The following CDHR3 variants were observed in gnomAD, a reference collection of about 807,000 sequenced individuals.
The protein encoded by CDHR3 is cadherin-related family member 3.
Under a neutral mutation model 86.6 loss-of-function variants are expected in CDHR3, and 79 were observed. That is an observed-to-expected ratio of 0.91 (90% CI 0.76 to 1.10). CDHR3 has a LOEUF of 1.10. Among genes scored for constraint, CDHR3 ranks in the 50% least tolerant of loss-of-function variants. The probability of loss-of-function intolerance (pLI) is 0.00; values close to 1 mark genes in which losing one functional copy is unlikely to be tolerated. For synonymous variants in CDHR3, 421 were observed against 402.4 expected (o/e 1.05, Z -0.55); for missense variants, 1,081 against 1,077.6 (o/e 1.00, Z -0.04).
intron 1 of CDHR3, among the ~76,000 whole-genome samples, chr7:105,973,010 G>A (rs1009409379): frequency 6.6e-6 from 1 of 152,126 alleles, no homozygotes; most frequent in African/African-American, 2.4e-5. Flanking sequence ...AAAACATCCT[G>A]GTTTGTTTGT....
In CDHR3 at chr7:106,012,971, A is replaced by C; in HGVS notation, c.1164A>C (p.Pro388=). ...ACAACAGATTCAACTTCACCATGCC[A>C]TCTGGAGTGGGGAGCGGCAGCAGAT... ...APNNRFNFTM[P]SGVGSGSRFL... Residue 388 remains proline, a synonymous_variant, in exon 9 of 19, where the codon CCA becomes CCC. Coordinates refer to ENST00000317716, the MANE Select transcript of CDHR3 (RefSeq NM_152750.5). 1 of 1,613,632 alleles carries C rather than the reference A, an allele frequency of 6.2e-7. No individual in the cohort carries two copies. Among genetic ancestry groups the C allele is most frequent in the Non-Finnish European group, 8.5e-7 (1 of 1,179,750 alleles).
At chr7:106,015,328 A>C (rs1381857719) in intron 10 of CDHR3, 115 bp downstream of exon 10, 1 of 830,040 alleles carries the variant, frequency 1.2e-6, no homozygotes, top group Admixed American at 2.7e-5. Context: ...TACTGCCCTC[A>C]TGCGGGGACC....
At chr7:105,984,907 A>G (rs1830295085) in intron 4 of CDHR3, among the ~76,000 whole-genome samples, 1 of 152,088 alleles carries the variant, frequency 6.6e-6, no homozygotes, top group Admixed American at 6.6e-5. Flanking sequence ...AAAAATAAAA[A>G]AATTAGCTGG....
chr7:106,027,773 A>T (rs951426123), intron 16 of CDHR3: 10 of 370,424 alleles, frequency 2.7e-5, no homozygotes, highest in Non-Finnish European at 5.4e-5. Flanking sequence ...GATCATATTG[A>T]CAGAGATGAT....
At chr7:105,969,123 G>A (rs1827479939) in intron 1 of CDHR3, among the ~76,000 whole-genome samples, 2 of 148,480 alleles carry the variant, frequency 1.3e-5, no homozygotes, top group East Asian at 2.0e-4. Context: ...TGGGCCGGGC[G>A]TGGTGGCTCA....
At chr7:105,981,319 T>G (rs1482167693) in intron 3 of CDHR3, among the ~76,000 whole-genome samples, 186 bp downstream of exon 3, 1 of 152,116 alleles carries the variant, frequency 6.6e-6, no homozygotes, top group East Asian at 1.9e-4. Flanking sequence ...TGTCCAACAG[T>G]TTGCAAAGCC....
chr7:105,988,498 T>C (rs908480793), intron 4 of CDHR3, among the ~76,000 whole-genome samples: 1 of 152,208 alleles, frequency 6.6e-6, no homozygotes, highest in Non-Finnish European at 1.5e-5. Flanking sequence ...GAATGAATAA[T>C]GGATTTTTAA....
At chr7:105,994,071 T>C (rs1305458024) in intron 4 of CDHR3, among the ~76,000 whole-genome samples, 1 of 152,230 alleles carries the variant, frequency 6.6e-6, no homozygotes, top group Non-Finnish European at 1.5e-5. Context: ...AGCCCTGTTA[T>C]GTTTCATTCT....
chr7:106,020,485 A>T lies in CDHR3; in HGVS notation c.1766A>T (p.Lys589Met). The T allele has an allele frequency of 6.2e-7, 1 of 1,614,032 alleles. No homozygotes were observed. Among genetic ancestry groups the T allele is most frequent in the South Asian group, 1.1e-5 (1 of 91,086 alleles). Residue 589 changes from lysine to methionine, a missense_variant, in exon 13 of 19, where the codon AAG (lysine) becomes ATG (methionine). By Grantham distance (95) the Lys-to-Met change is moderately conservative. Transcript: ENST00000317716. Reference protein sequence around the residue: ...LKVGTNIQNFKLTCTDLDSSP... With the variant: ...LKVGTNIQNFMLTCTDLDSSP... ...GTTGGCACAAATATTCAGAATTTCA[A>T]GCTGACATGTACCGACCTTGATTCC...
At chr7:105,980,608 T>TTTA (rs1829547428) in intron 2 of CDHR3, among the ~76,000 whole-genome samples, 1 of 30,796 alleles carries the variant, frequency 3.2e-5, no homozygotes, top group African/African-American at 1.3e-4. Flanking sequence ...TTTTTTTTAA[T>TTTA]TTTTTTTTTT....
intron 15 of CDHR3, 31 bp from the exon 16 acceptor site, chr7:106,026,651 G>C: frequency 6.2e-7 from 1 of 1,612,862 alleles, no homozygotes; most frequent in Non-Finnish European, 8.5e-7. Flanking sequence ...ACTTTCAAGT[G>C]AATTAATAGC....
At position 105,996,335 on chromosome 7, in the gene CDHR3, G is replaced by A. The variant is rs371586125; in HGVS notation, c.694G>A (p.Glu232Lys). Residue 232 changes from glutamate (E) to lysine (K), a missense_variant, in exon 6 of 19, where the codon GAA becomes AAA. Transcript: ENST00000317716. ...GGTGAACATCGTGAACCTCAACGACGAAGTCCCTCGCTTTACCAGGTAGGC... is the reference window on the plus strand; with the variant it reads ...GGTGAACATCGTGAACCTCAACGACAAAGTCCCTCGCTTTACCAGGTAGGC... ...LQVNIVNLND[E>K]VPRFTSPTRV... is the part of the protein sequence containing the mutation. The A allele has an allele frequency of 1.4e-5, 22 of 1,593,356 alleles. No individual in the cohort carries two copies. Among genetic ancestry groups the A allele is most frequent in the South Asian group, 1.3e-4 (12 of 89,696 alleles).
chr7:106,028,646 C>A, intron 17 of CDHR3, 64 bp downstream of exon 17: 2 of 1,575,254 alleles, frequency 1.3e-6, no homozygotes, highest in Non-Finnish European at 1.7e-6. Context: ...CCGTCTCCCC[C>A]GAAGGCAGGC....
rs762342578 is a variant in CDHR3, at chr7:106,024,425, A to T, written c.2121A>T (p.Pro707=). 6.2e-7 allele frequency: 1 copy of T among 1,614,038 alleles called. No individual in the cohort carries two copies. The highest frequency in any genetic ancestry group is 8.5e-7 in the Non-Finnish European group (1 of 1,179,894). ...TCCTGAGGAAAAACGTTTACTCTCC[A>T]TCTGCATGGTACGTGCCGTTTGTCA... ...YQVLRKNVYS[P]SAWYVPFVIT... is the part of the protein sequence containing the mutation. The change falls in exon 15 of 19, where the codon CCA becomes CCT. Residue 707 remains proline, a synonymous_variant. Coordinates refer to ENST00000317716, the MANE Select transcript of CDHR3 (RefSeq NM_152750.5).
intron 2 of CDHR3, among the ~76,000 whole-genome samples, chr7:105,979,237 G>C (rs1039195887): frequency 1.3e-5 from 2 of 152,172 alleles, no homozygotes. Context: ...AAGCCAGTCA[G>C]TCTGGCTCCA....
chr7:106,029,634 C>A (rs191345932), intron 17 of CDHR3, among the ~76,000 whole-genome samples: 105 of 152,040 alleles, frequency 6.9e-4, no homozygotes, highest in African/African-American at 2.1e-3. Flanking sequence ...TTGAAGGTGG[C>A]TCCCTCCAGC....
In CDHR3 at chr7:106,004,585, T is replaced by A; in HGVS notation, c.950T>A (p.Val317Glu). The change falls in exon 8 of 19, where the codon GTG becomes GAG. Residue 317 changes from valine to glutamate, a missense_variant. Physicochemically the swap from Val to Glu is moderately radical, Grantham distance 121 (BLOSUM62 -2). Coordinates refer to ENST00000317716, the MANE Select transcript of CDHR3 (RefSeq NM_152750.5). ...CCCACCATTTCCCTGGAAGTTCTAG[T>A]GAAGGACAGACCATATGGGGGTCAG... ...QNPTISLEVLVKDRPYGGQEN... is the reference protein window; with the variant it reads ...QNPTISLEVLEKDRPYGGQEN... 1.2e-6 allele frequency: 2 copies of A among 1,614,024 alleles called. No homozygotes were observed. Among genetic ancestry groups the A allele is most frequent in the Non-Finnish European group, 1.7e-6 (2 of 1,179,876 alleles).
intron 1 of CDHR3, among the ~76,000 whole-genome samples, chr7:105,965,624 T>C (rs1030108712): frequency 2.3e-5 from 3 of 129,832 alleles, no homozygotes; most frequent in African/African-American, 8.3e-5. Context: ...GCTCCTGCTG[T>C]TGCACCCTGG....
chr7:106,016,605 A>G (rs1835664704), intron 11 of CDHR3, among the ~76,000 whole-genome samples: 1 of 152,224 alleles, frequency 6.6e-6, no homozygotes, highest in Admixed American at 6.5e-5. Context: ...AATACTATAA[A>G]TGCTCTAGTG....
Sources: allele counts gnomAD v4.1 joint callset (sites outside exome capture counted in the v4.1 genomes callset), GRCh38; gene constraint gnomAD v4.1.1; transcripts MANE v1.5; gene names NCBI Gene and HGNC (gene_info 2026-07-23, HGNC 2026-07-21).